The following GABRB1 variants were observed in gnomAD, a reference collection of about 807,000 sequenced individuals.
GABRB1 encodes the protein gamma-aminobutyric acid receptor subunit beta-1.
Under a neutral mutation model 51.6 loss-of-function variants are expected in GABRB1, and 17 were observed. The observed-to-expected ratio is 0.33, with a 90% CI of 0.23 to 0.49. The LOEUF (loss-of-function observed/expected upper bound fraction) is 0.49, where lower values mean the gene tolerates loss of function less well. GABRB1 is among the 20% of genes least tolerant of loss of function. GABRB1 has a pLI of 0.99. For synonymous variants in GABRB1, 247 were observed against 218.9 expected, an observed-to-expected ratio of 1.13 and a Z score of -1.14; for missense variants, 410 against 600.6, an observed-to-expected ratio of 0.68 and a Z score of 3.32.
At chr4:47,083,867 T>G (rs1273056763) in intron 3 of GABRB1, among the ~76,000 whole-genome samples, 1 of 152,122 alleles carries the variant, frequency 6.6e-6, no homozygotes, top group Non-Finnish European at 1.5e-5. Flanking sequence ...GACACACCCC[T>G]ATGTCTAAGG....
At chr4:47,115,275 C>T (rs928931495) in intron 3 of GABRB1, among the ~76,000 whole-genome samples, 2 of 152,132 alleles carry the variant, frequency 1.3e-5, no homozygotes, top group African/African-American at 4.8e-5. Context: ...TGAACATTTG[C>T]TCTCTTTAGC....
At chr4:47,020,257 A>T (rs1345231309) in intron 1 of GABRB1, among the ~76,000 whole-genome samples, 1 of 152,132 alleles carries the variant, frequency 6.6e-6, no homozygotes, top group African/African-American at 2.4e-5. Flanking sequence ...TTTAACACTG[A>T]TTATCTCTTT....
chr4:47,139,410 T>A (rs1716816522), intron 3 of GABRB1, among the ~76,000 whole-genome samples: 1 of 152,052 alleles, frequency 6.6e-6, no homozygotes, highest in South Asian at 2.1e-4. Flanking sequence ...CCTCTATTTC[T>A]CCATCTCAGG....
In GABRB1 at chr4:47,416,612, C is replaced by T. The variant is rs187775855; in HGVS notation, c.1081-9062C>T. Among the ~76,000 whole-genome samples the T allele has an allele frequency of 3.0e-4, 45 of 152,010 alleles. No homozygotes were observed. In the East Asian group the frequency reaches 7.6e-3, roughly 26 times the overall value. On this transcript the variant is annotated intron_variant, in intron 8 of 8. Coordinates refer to ENST00000295454, the MANE Select transcript of GABRB1 (RefSeq NM_000812.4). ...GACTACAGGCGCCCGCCACCACACC[C>T]GGCTAATTTTTGTATTTTTAGTAGA...
chr4:47,350,568 C>T (rs1344273372), intron 5 of GABRB1, among the ~76,000 whole-genome samples: 2 of 151,600 alleles, frequency 1.3e-5, no homozygotes, highest in African/African-American at 4.8e-5. Flanking sequence ...CACATCAAAA[C>T]ACTCAATGAA....
chr4:47,140,157 G>A (rs1233478668), intron 3 of GABRB1, among the ~76,000 whole-genome samples: 1 of 148,722 alleles, frequency 6.7e-6, no homozygotes, highest in African/African-American at 2.5e-5. Flanking sequence ...TCCAAAGCCT[G>A]AAGGCAAAGC....
At chr4:47,236,529 T>C in intron 4 of GABRB1, among the ~76,000 whole-genome samples, 1 of 152,200 alleles carries the variant, frequency 6.6e-6, no homozygotes, top group East Asian at 1.9e-4. Context: ...ATCCCTGCTT[T>C]ACTAATGCAA....
chr4:47,203,803 A>G (rs1720001778), intron 4 of GABRB1, among the ~76,000 whole-genome samples: 1 of 151,858 alleles, frequency 6.6e-6, no homozygotes, highest in South Asian at 2.1e-4. Flanking sequence ...GGTGGAGGCA[A>G]AACCTCACTC....
intron 4 of GABRB1, among the ~76,000 whole-genome samples, chr4:47,227,713 C>A (rs1189185395): frequency 6.6e-6 from 1 of 152,140 alleles, no homozygotes; most frequent in Non-Finnish European, 1.5e-5. Flanking sequence ...GCTGCCATAA[C>A]AAAGCGATAG....
At chr4:47,247,719 T>C (rs1187062758) in intron 4 of GABRB1, among the ~76,000 whole-genome samples, 1 of 152,058 alleles carries the variant, frequency 6.6e-6, no homozygotes, top group African/African-American at 2.4e-5. Flanking sequence ...GTTTTCCTTG[T>C]AGACGACTTT....
intron 3 of GABRB1, among the ~76,000 whole-genome samples, chr4:47,090,715 G>T (rs1461053882): frequency 6.6e-6 from 1 of 152,112 alleles, no homozygotes; most frequent in Non-Finnish European, 1.5e-5. Context: ...TACATTAAAG[G>T]TGTGGACATC....
At chr4:47,292,842 G>A (rs967235275) in intron 4 of GABRB1, among the ~76,000 whole-genome samples, 1 of 151,922 alleles carries the variant, frequency 6.6e-6, no homozygotes, top group South Asian at 2.1e-4. Flanking sequence ...GGAGGGAGGG[G>A]GCTGAAATCC....
At chr4:47,058,564 T>A (rs1577869066) in intron 3 of GABRB1, among the ~76,000 whole-genome samples, 1 of 152,220 alleles carries the variant, frequency 6.6e-6, no homozygotes, top group African/African-American at 2.4e-5. Flanking sequence ...ACATGGCAGG[T>A]GGGATATTAG....
At chr4:47,225,435 G>A (rs1720911885) in intron 4 of GABRB1, among the ~76,000 whole-genome samples, 1 of 152,060 alleles carries the variant, frequency 6.6e-6, no homozygotes. Flanking sequence ...AGGGTGGGGT[G>A]GAATTAATTT....
At chr4:47,047,323 A>C (rs1726139843) in intron 3 of GABRB1, among the ~76,000 whole-genome samples, 3 of 152,144 alleles carry the variant, frequency 2.0e-5, no homozygotes, top group Admixed American at 2.0e-4. Context: ...CACATCTACA[A>C]AGCAGGTACT....
intron 3 of GABRB1, among the ~76,000 whole-genome samples, chr4:47,106,738 C>T (rs1275889369): frequency 1.3e-5 from 2 of 152,056 alleles, no homozygotes; most frequent in African/African-American, 4.8e-5. Context: ...AGCCTCCCAT[C>T]TCTTTCCGAG....
rs182284179 is a variant in GABRB1, at chr4:47,182,809, A to C, written c.461+21340A>C. Among the ~76,000 whole-genome samples, 671 of 152,100 alleles carry C rather than the reference A, an allele frequency of 4.4e-3. 2 individuals carry two copies. Among genetic ancestry groups the C allele is most frequent in the Non-Finnish European group, 7.0e-3 (477 of 67,916 alleles). On this transcript the variant is annotated intron_variant, in intron 4 of 8. Coordinates refer to ENST00000295454, the MANE Select transcript of GABRB1 (RefSeq NM_000812.4). ...TGAGCCTTTTTGTCAGTGTTATAACAGAGAAAACTCTAACAGTTCAGAGAT... is the reference window on the plus strand; with the variant it reads ...TGAGCCTTTTTGTCAGTGTTATAACCGAGAAAACTCTAACAGTTCAGAGAT...
At chr4:47,296,859 G>A (rs1578072948) in intron 4 of GABRB1, among the ~76,000 whole-genome samples, 1 of 152,142 alleles carries the variant, frequency 6.6e-6, no homozygotes, top group South Asian at 2.1e-4. Flanking sequence ...ACAGTTGGAA[G>A]TAAAGCTCTC....
At chr4:47,198,294 A>G (rs1302379389) in intron 4 of GABRB1, among the ~76,000 whole-genome samples, 5 of 152,218 alleles carry the variant, frequency 3.3e-5, no homozygotes, top group African/African-American at 9.6e-5. Context: ...TACATGTTTC[A>G]GTACCTCTTA....
Sources: gnomAD v4.1 joint callset for allele counts (sites outside exome capture counted in the v4.1 genomes callset) on GRCh38, gnomAD v4.1.1 for gene constraint, MANE v1.5 for transcripts, NCBI Gene and HGNC (gene_info 2026-07-23, HGNC 2026-07-21) for gene names.